Variants in ARHGAP22 observed in about 807,000 individuals in gnomAD.
ARHGAP22 encodes rho GTPase-activating protein 22.
ARHGAP22 carries 48 observed loss-of-function variants against 59.1 expected under a neutral mutation model. That is an observed-to-expected ratio of 0.81 (90% confidence interval 0.64 to 1.03). The LOEUF is 1.03. Ranked by LOEUF, ARHGAP22 falls within the 50% of genes least tolerant of loss-of-function variation. The pLI, the probability that ARHGAP22 is intolerant of heterozygous loss-of-function variation, is 0.00. For synonymous variants in ARHGAP22, 445 were observed against 416.4 expected, an observed-to-expected ratio of 1.07 and a Z score of -0.84; for missense variants, 1,015 against 958.7, an observed-to-expected ratio of 1.06 and a Z score of -0.78.
upstream of ARHGAP22, among the ~76,000 whole-genome samples, chr10:48,605,614 A>G (rs560706140): frequency 4.6e-5 from 7 of 152,310 alleles, no homozygotes; most frequent in African/African-American, 1.7e-4. Context: ...TGATGCTGGC[A>G]TAATTTTAAA....
intron 3 of ARHGAP22, among the ~76,000 whole-genome samples, chr10:48,551,582 C>T (rs1251546255): frequency 6.6e-6 from 1 of 152,198 alleles, no homozygotes; most frequent in Non-Finnish European, 1.5e-5. Flanking sequence ...TGCGTGTCCC[C>T]GCAGCTTCAG....
At chr10:48,447,418 A>G (rs1309576288) in intron 9 of ARHGAP22, among the ~76,000 whole-genome samples, 1 of 152,216 alleles carries the variant, frequency 6.6e-6, no homozygotes, top group African/African-American at 2.4e-5. Context: ...GCAGAGGGTA[A>G]CTGCTCCTCA....
intron 3 of ARHGAP22, among the ~76,000 whole-genome samples, chr10:48,545,912 G>A (rs774159820): frequency 2.2e-4 from 34 of 152,148 alleles, no homozygotes; most frequent in African/African-American, 4.1e-4. Flanking sequence ...CAGACACGTC[G>A]GAGGTCACTG....
chr10:48,483,826 G>T (rs1157418962), intron 3 of ARHGAP22, among the ~76,000 whole-genome samples: 2 of 151,758 alleles, frequency 1.3e-5, no homozygotes, highest in Non-Finnish European at 2.9e-5. Context: ...TCAACGGGTT[G>T]TCTCTTCACT....
intron 3 of ARHGAP22, among the ~76,000 whole-genome samples, chr10:48,545,648 C>T (rs768693353): frequency 1.2e-4 from 19 of 152,328 alleles, no homozygotes; most frequent in Non-Finnish European, 2.5e-4. Context: ...GCATGTCAGA[C>T]ACACAGTATC....
chr10:48,624,637 T>C (rs943352832), intron 1 of ARHGAP22, among the ~76,000 whole-genome samples: 9 of 152,182 alleles, frequency 5.9e-5, no homozygotes, highest in Non-Finnish European at 1.2e-4. Context: ...ATTGCAGGCA[T>C]TGGATTAGAT....
intron 3 of ARHGAP22, among the ~76,000 whole-genome samples, chr10:48,489,294 G>C (rs1284941184): frequency 6.6e-6 from 1 of 152,152 alleles, no homozygotes; most frequent in African/African-American, 2.4e-5. Context: ...GACCCCATTT[G>C]ACAGGTGGAA....
intron 3 of ARHGAP22, among the ~76,000 whole-genome samples, chr10:48,528,563 AG>A (rs2054542163): frequency 6.6e-6 from 1 of 152,110 alleles, no homozygotes; most frequent in East Asian, 1.9e-4. Context: ...AGCTGCAAGG[AG>A]GGGTCCAGCA....
At chr10:48,610,035 A>T (rs1030716432), upstream of ARHGAP22, among the ~76,000 whole-genome samples, 3 of 152,142 alleles carry the variant, frequency 2.0e-5, no homozygotes, top group African/African-American at 7.2e-5. Context: ...CTGCTCTGTC[A>T]TAGAGGGAAT....
chr10:48,524,548 C>A (rs898826942), intron 3 of ARHGAP22, among the ~76,000 whole-genome samples: 3 of 152,198 alleles, frequency 2.0e-5, no homozygotes, highest in Non-Finnish European at 2.9e-5. Flanking sequence ...CTGGCCTCCC[C>A]GCGCAGAATG....
chr10:48,493,369 G>T, intron 3 of ARHGAP22: 1 of 1,438,966 alleles, frequency 6.9e-7, no homozygotes, highest in Non-Finnish European at 9.4e-7. Flanking sequence ...CCCTTTCAAG[G>T]GTTAATCGCC....
intron 3 of ARHGAP22, among the ~76,000 whole-genome samples, chr10:48,505,291 T>G (rs1176530030): frequency 1.3e-5 from 2 of 152,098 alleles, no homozygotes; most frequent in African/African-American, 4.8e-5. Flanking sequence ...CTGATTTAGG[T>G]GATCTGCCCG....
chr10:48,437,843 G>A, the ARHGAP22 span: 1 of 152,260 alleles, frequency 6.6e-6, no homozygotes, highest in African/African-American at 2.4e-5. Flanking sequence ...GAAGCTTGAT[G>A]GTGTGCAAAG....
At chr10:48,634,407 T>G (rs1193005391) in intron 1 of ARHGAP22, among the ~76,000 whole-genome samples, 1 of 152,208 alleles carries the variant, frequency 6.6e-6, no homozygotes, top group East Asian at 1.9e-4. Context: ...GCGGTGAGCC[T>G]GCACTGTGGT....
At chr10:48,628,330 T>A (rs150578259) in intron 1 of ARHGAP22, among the ~76,000 whole-genome samples, 1 of 152,240 alleles carries the variant, frequency 6.6e-6, no homozygotes, top group Non-Finnish European at 1.5e-5. Context: ...CCCCAGTATC[T>A]TGATTCACAC....
chr10:48,552,279 C>T (rs1163178434), intron 3 of ARHGAP22, among the ~76,000 whole-genome samples: 1 of 152,268 alleles, frequency 6.6e-6, no homozygotes, highest in African/African-American at 2.4e-5. Context: ...CCAGCACAGG[C>T]ATAGCCTGGA....
At chr10:48,585,866 G>A (rs950949848) in intron 1 of ARHGAP22, among the ~76,000 whole-genome samples, 4 of 152,202 alleles carry the variant, frequency 2.6e-5, no homozygotes, top group African/African-American at 9.7e-5. Flanking sequence ...TGATTCCTCA[G>A]GACAGTGGGT....
At chr10:48,475,929 T>C (rs1398239598) in intron 4 of ARHGAP22, among the ~76,000 whole-genome samples, 3 of 152,226 alleles carry the variant, frequency 2.0e-5, no homozygotes, top group African/African-American at 7.2e-5. Flanking sequence ...CTGGCCTCCT[T>C]GCTGTTCTTC....
intron 8 of ARHGAP22, chr10:48,451,652 G>T: frequency 1.8e-6 from 1 of 562,868 alleles, no homozygotes; most frequent in Non-Finnish European, 3.1e-6. Flanking sequence ...AATGCACCCC[G>T]CCCACCCCCT....
Sources: allele counts gnomAD v4.1 joint callset (sites outside exome capture counted in the v4.1 genomes callset), GRCh38; gene constraint gnomAD v4.1.1; transcripts MANE v1.5; gene names NCBI Gene and HGNC (gene_info 2026-07-23, HGNC 2026-07-21).